Variants in MVB12B observed in about 807,000 individuals in gnomAD.
MVB12B encodes the protein ESCRT-I complex subunit MVB12B.
Under a neutral mutation model 41.6 loss-of-function variants are expected in MVB12B, and 16 were observed. That is an observed-to-expected ratio of 0.38 (90% CI 0.26 to 0.58). The LOEUF (loss-of-function observed/expected upper bound fraction) is 0.58, where lower values mean the gene tolerates loss of function less well. MVB12B is among the 20% of genes least tolerant of loss of function. The pLI, the probability that MVB12B is intolerant of heterozygous loss-of-function variation, is 0.62. For synonymous variants in MVB12B, 133 were observed against 139.7 expected (o/e 0.95, Z 0.34); for missense variants, 274 against 380.2 (o/e 0.72, Z 2.32).
At chr9:126,479,895 C>T (rs1347263774) in intron 7 of MVB12B, among the ~76,000 whole-genome samples, 1 of 152,218 alleles carries the variant, frequency 6.6e-6, no homozygotes, top group African/African-American at 2.4e-5. Flanking sequence ...TTCGGCTTTT[C>T]TTGCTGATTG....
intron 9 of MVB12B, among the ~76,000 whole-genome samples, chr9:126,495,796 C>T (rs1833816754): frequency 6.6e-6 from 1 of 152,160 alleles, no homozygotes; most frequent in African/African-American, 2.4e-5. Context: ...CAAAGTCTTT[C>T]CACTTTTCAG....
In MVB12B at chr9:126,340,460, A is replaced by G; in HGVS notation, c.82-48A>G. On this transcript the variant is annotated intron_variant, in intron 1 of 9. Coordinates refer to ENST00000361171, the MANE Select transcript of MVB12B (RefSeq NM_033446.3). The surrounding 1 kb of genome is among the most constrained non-coding windows in gnomAD (Gnocchi z 4.0). The stretch of plus-strand genomic sequence containing the variant: ...GTTTGAGACTTTATATTATTCACAT[A>G]AATGCTATGTTTGAATTTTGTGTTT... The G allele has an allele frequency of 6.2e-7, 1 of 1,607,338 alleles. No homozygotes were observed. The highest frequency in any genetic ancestry group is 8.5e-7 in the Non-Finnish European group (1 of 1,175,822).
chr9:126,330,964 AAT>A (rs1474597803), intron 1 of MVB12B, among the ~76,000 whole-genome samples: 7 of 152,150 alleles, frequency 4.6e-5, no homozygotes, highest in Non-Finnish European at 1.0e-4. Context: ...AAGGCTGAAT[AAT>A]ACTCCATTGA....
chr9:126,355,363 C>A (rs1158414092), intron 2 of MVB12B, among the ~76,000 whole-genome samples: 2 of 152,208 alleles, frequency 1.3e-5, no homozygotes, highest in African/African-American at 4.8e-5. Context: ...GGCCCACGTG[C>A]ATAGAGGTTG....
chr9:126,488,297 G>GA (rs11405743), intron 9 of MVB12B, among the ~76,000 whole-genome samples: 130,873 of 149,188 alleles, frequency 0.88, 57,530 homozygotes, highest in Middle Eastern at 0.91. Flanking sequence ...TCTCTGCTCA[G>GA]AATTTGCTTT....
At chr9:126,464,487 G>A (rs1833159336) in intron 7 of MVB12B, among the ~76,000 whole-genome samples, 2 of 152,168 alleles carry the variant, frequency 1.3e-5, no homozygotes, top group Admixed American at 6.5e-5. Flanking sequence ...GACCCTATAA[G>A]CTTTAGGAGA....
At chr9:126,357,029 G>A (rs1312242244) in intron 2 of MVB12B, among the ~76,000 whole-genome samples, 1 of 152,114 alleles carries the variant, frequency 6.6e-6, no homozygotes, top group Non-Finnish European at 1.5e-5. Context: ...CCTAATACAA[G>A]CCATCACTCC....
At position 126,340,772 on chromosome 9, in the gene MVB12B, C is replaced by T. The variant is rs1426863944; in HGVS notation, c.204+142C>T. 5 of 1,029,300 alleles carry T rather than the reference C, an allele frequency of 4.9e-6. No homozygotes were observed. Among genetic ancestry groups the T allele is most frequent in the Non-Finnish European group, 6.9e-6 (5 of 721,724 alleles). The allele number at this position is 1,029,300 out of a possible 1,614,324, so 63.8% of individuals were successfully genotyped here. A position where few individuals can be genotyped will look rare whatever the true frequency, so the allele number is the denominator to read the frequency against. ...AATCCAGGGAGGGCGTGGAGAGCAT[C>T]CTGGTTTGGGAGTCAGAAGACCTGA... is the stretch of plus-strand genomic sequence containing the variant. On this transcript the variant is annotated intron_variant, in intron 2 of 9. Transcript: ENST00000361171. This position sits in a 1 kb window ranked among gnomAD's most constrained non-coding sequence, Gnocchi z 4.0.
At chr9:126,494,862 C>T (rs1172571711) in intron 9 of MVB12B, among the ~76,000 whole-genome samples, 3 of 149,378 alleles carry the variant, frequency 2.0e-5, no homozygotes, top group African/African-American at 2.5e-5. Context: ...GACCAGGGAG[C>T]ACCCCACCCC....
intron 2 of MVB12B, among the ~76,000 whole-genome samples, chr9:126,365,041 C>G (rs1182880442): frequency 1.4e-5 from 2 of 144,490 alleles, no homozygotes; most frequent in Non-Finnish European, 3.0e-5. Context: ...CGTGAGCCAC[C>G]GCGCCTGGCC....
In MVB12B at chr9:126,473,751, G is replaced by A. The variant is rs906627587; in HGVS notation, c.758-7618G>A. 2.7e-4 allele frequency among the ~76,000 whole-genome samples: 41 copies of A among 152,176 alleles called. No homozygotes were observed. Among genetic ancestry groups the A allele is most frequent in the Non-Finnish European group, 2.8e-4 (19 of 68,038 alleles). The stretch of plus-strand genomic sequence containing the variant: ...TCCCCACATAGCTCAGTCATCTCCC[G>A]CCGGGCCCCCTCCAATACCGGGGAT... On this transcript the variant is annotated intron_variant, in intron 7 of 9. Transcript: ENST00000361171. The surrounding 1 kb of genome is among the most constrained non-coding windows in gnomAD (Gnocchi z 4.0).
At chr9:126,479,624 C>T (rs1044244129) in intron 7 of MVB12B, among the ~76,000 whole-genome samples, 8 of 152,204 alleles carry the variant, frequency 5.3e-5, no homozygotes, top group Non-Finnish European at 1.0e-4. Context: ...CCATCTCTTC[C>T]GTCAGCTCAC....
intron 7 of MVB12B, among the ~76,000 whole-genome samples, chr9:126,433,089 C>T (rs1832373080): frequency 6.6e-6 from 1 of 152,168 alleles, no homozygotes; most frequent in African/African-American, 2.4e-5. Context: ...GGCCTCCTTA[C>T]TTAAAGTTAA....
rs1474551917 is a variant in MVB12B at position 126,386,434 on chromosome 9, T to A, written c.313-128T>A. On this transcript the variant is annotated intron_variant, in intron 3 of 9. Transcript: ENST00000361171. This position sits in a 1 kb window ranked among gnomAD's most constrained non-coding sequence, Gnocchi z 4.3. The stretch of plus-strand genomic sequence containing the variant: ...CTGGGGACCATTAAGTGTCACCTAC[T>A]CTAATTAACCTGCTGTCATAAAGCT... 1 of 646,440 alleles carries A rather than the reference T, an allele frequency of 1.5e-6. No homozygotes were observed. Among genetic ancestry groups the A allele is most frequent in the Non-Finnish European group, 2.8e-6 (1 of 358,320 alleles). The allele number at this position is 646,440 out of a possible 1,614,324, so 40.0% of individuals were successfully genotyped here. A position where few individuals can be genotyped will look rare whatever the true frequency, so the allele number is the denominator to read the frequency against.
chr9:126,455,249 G>A (rs1429026255), intron 7 of MVB12B, among the ~76,000 whole-genome samples: 8 of 150,372 alleles, frequency 5.3e-5, no homozygotes, highest in Admixed American at 1.3e-4. Flanking sequence ...GTGCAGTGGC[G>A]TGATCTCAGC....
chr9:126,391,940 C>A lies in MVB12B; in HGVS notation c.410-126C>A. ...AGGCGGCAGAGCGCAGCCCTTCTGTCCAGCAGCTTAGGTGACCTGCCACTT... is the reference window on the plus strand; with the variant it reads ...AGGCGGCAGAGCGCAGCCCTTCTGTACAGCAGCTTAGGTGACCTGCCACTT... On this transcript the variant is annotated intron_variant, in intron 4 of 9. Transcript: ENST00000361171. The surrounding 1 kb of genome is among the most constrained non-coding windows in gnomAD (Gnocchi z 4.4). The A allele has an allele frequency of 8.9e-7, 1 of 1,126,956 alleles. No homozygotes were observed. The highest frequency in any genetic ancestry group is 1.3e-6 in the Non-Finnish European group (1 of 763,210). 69.8% of individuals were successfully genotyped at this position (1,126,956 alleles called of 1,614,324 possible). A position where few individuals can be genotyped will look rare whatever the true frequency, so the allele number is the denominator to read the frequency against.
intron 7 of MVB12B, among the ~76,000 whole-genome samples, chr9:126,432,418 C>A (rs1041531789): frequency 6.6e-6 from 1 of 152,134 alleles, no homozygotes; most frequent in African/African-American, 2.4e-5. Context: ...TCTTTCTCTA[C>A]CTCTGTCTCT....
In MVB12B at chr9:126,376,593, A is replaced by T. The variant is rs369320707; in HGVS notation, c.205-4471A>T. ...TCCAGAGACAAAGCCCTCAGTGTCC[A>T]GTGTTCAGGGGAGGCGGCTGGAAGC... On this transcript the variant is annotated intron_variant, in intron 2 of 9. Coordinates refer to ENST00000361171, the MANE Select transcript of MVB12B (RefSeq NM_033446.3). The surrounding 1 kb of genome is among the most constrained non-coding windows in gnomAD (Gnocchi z 4.1). 1.8e-4 allele frequency: 226 copies of T among 1,289,352 alleles called. No individual in the cohort carries two copies. The East Asian group carries it at 0.011, about 63-fold the overall frequency. 79.9% of individuals were successfully genotyped at this position (1,289,352 alleles called of 1,614,324 possible).
intron 6 of MVB12B, among the ~76,000 whole-genome samples, chr9:126,415,946 G>A (rs1474492379): frequency 6.6e-6 from 1 of 152,202 alleles, no homozygotes; most frequent in African/African-American, 2.4e-5. Flanking sequence ...ACAGTGGCAA[G>A]TGCAAAGGCC....
Sources: gnomAD v4.1 joint callset for allele counts (sites outside exome capture counted in the v4.1 genomes callset) on GRCh38, gnomAD v4.1.1 for gene constraint, Gnocchi (gnomAD v3.1) non-coding constraint, MANE v1.5 for transcripts, NCBI Gene and HGNC (gene_info 2026-07-23, HGNC 2026-07-21) for gene names.